The following PRDM16 variants were observed in gnomAD, a reference collection of about 807,000 sequenced individuals.
PRDM16 encodes the protein PR/SET domain 16.
Under a neutral mutation model 110.6 loss-of-function variants are expected in PRDM16, and 23 were observed. The observed-to-expected ratio is 0.21, with a 90% CI of 0.15 to 0.29. The LOEUF (loss-of-function observed/expected upper bound fraction) is 0.29. PRDM16 is among the 10% of genes least tolerant of loss of function. The pLI, the probability that PRDM16 is intolerant of heterozygous loss-of-function variation, is 1.00. For synonymous variants in PRDM16, 799 were observed against 781.8 expected (o/e 1.02, Z -0.37); for missense variants, 1,615 against 1,794.3 (o/e 0.90, Z 1.81).
intron 1 of PRDM16, among the ~76,000 whole-genome samples, chr1:3,101,857 C>T (rs974862550): frequency 6.6e-5 from 10 of 152,224 alleles, no homozygotes. Flanking sequence ...CCGTTCTTGT[C>T]TCCCCCACCC....
chr1:3,281,953 TGTGGAGGG>T (rs777597071), intron 3 of PRDM16, among the ~76,000 whole-genome samples: 20 of 152,074 alleles, frequency 1.3e-4, no homozygotes, highest in Non-Finnish European at 2.5e-4. Flanking sequence ...CAGCCCTGGA[TGTGGAGGG>T]GTGTTCTAGA....
At chr1:3,305,440 C>T (rs1641291650) in intron 3 of PRDM16, among the ~76,000 whole-genome samples, 1 of 152,162 alleles carries the variant, frequency 6.6e-6, no homozygotes, top group Non-Finnish European at 1.5e-5. Flanking sequence ...CACCTAGGGC[C>T]CGATCCATGG....
At chr1:3,184,792 C>T (rs1476744949) in intron 1 of PRDM16, among the ~76,000 whole-genome samples, 2 of 152,200 alleles carry the variant, frequency 1.3e-5, no homozygotes, top group Middle Eastern at 3.2e-3. Context: ...GTCTAAATGC[C>T]GCCAAGCAGG....
intron 1 of PRDM16, among the ~76,000 whole-genome samples, chr1:3,160,931 G>A (rs985779016): frequency 2.6e-5 from 4 of 152,196 alleles, no homozygotes; most frequent in African/African-American, 9.7e-5. Flanking sequence ...GGATGCAGCC[G>A]GTGGCTTTCG....
At chr1:3,156,407 C>T (rs1643859750) in intron 1 of PRDM16, among the ~76,000 whole-genome samples, 1 of 152,138 alleles carries the variant, frequency 6.6e-6, no homozygotes, top group African/African-American at 2.4e-5. Flanking sequence ...GTAAAAGTAG[C>T]CATTGCTTCT....
intron 2 of PRDM16, among the ~76,000 whole-genome samples, chr1:3,189,070 C>T (rs577580472): frequency 3.9e-5 from 6 of 152,314 alleles, no homozygotes; most frequent in East Asian, 1.9e-4. Flanking sequence ...AAGTGACTTG[C>T]GGGTGACTCC....
intron 5 of PRDM16, among the ~76,000 whole-genome samples, chr1:3,402,034 C>G (rs1643481130): frequency 1.3e-5 from 2 of 152,286 alleles, no homozygotes; most frequent in African/African-American, 4.8e-5. Flanking sequence ...TGCAGATATG[C>G]TGAGATATTC....
chr1:3,163,812 G>A (rs114305794), intron 1 of PRDM16, among the ~76,000 whole-genome samples: 10 of 152,232 alleles, frequency 6.6e-5, no homozygotes, highest in South Asian at 4.1e-4. Flanking sequence ...ATCAGGACAC[G>A]GTCATTTGGA....
At chr1:3,158,737 C>T (rs914283152) in intron 1 of PRDM16, among the ~76,000 whole-genome samples, 15 of 143,666 alleles carry the variant, frequency 1.0e-4, no homozygotes, top group Non-Finnish European at 1.5e-4. Flanking sequence ...TCTTCCCTTT[C>T]TTCCCTTTTT....
At chr1:3,412,999 A>T (rs938407786) in intron 9 of PRDM16, among the ~76,000 whole-genome samples, 199 bp downstream of exon 9, 1 of 151,988 alleles carries the variant, frequency 6.6e-6, no homozygotes, top group Non-Finnish European at 1.5e-5. Context: ...CTCCTAAGCT[A>T]GGTGCCTGGC....
chr1:3,190,415 C>G lies in PRDM16; in HGVS notation c.387+3941C>G, dbSNP rs565164925. On this transcript the variant is annotated intron_variant, in intron 2 of 16. Coordinates refer to ENST00000270722, the MANE Select transcript of PRDM16 (RefSeq NM_022114.4). This position sits in a 1 kb window ranked among gnomAD's most constrained non-coding sequence, Gnocchi z 5.0. ...TGCATTCCTTCTACGCTGAGGCTGA[C>G]GCTTTTGGGAGGGCCGCCCCCTCCT... Among the ~76,000 whole-genome samples the G allele has an allele frequency of 2.0e-5, 3 of 152,264 alleles. No homozygotes were observed. The East Asian group carries it at 5.8e-4, about 29-fold the overall frequency.
At chr1:3,254,489 A>T (rs1221177384) in intron 3 of PRDM16, among the ~76,000 whole-genome samples, 1 of 152,182 alleles carries the variant, frequency 6.6e-6, no homozygotes, top group Non-Finnish European at 1.5e-5. Flanking sequence ...AATGTACAAA[A>T]ATCACAAGCA....
chr1:3,146,592 TGC>T (rs1643661508), intron 1 of PRDM16, among the ~76,000 whole-genome samples: 1 of 143,518 alleles, frequency 7.0e-6, no homozygotes, highest in African/African-American at 2.7e-5. Context: ...GGCATATGTG[TGC>T]ACGTGTGTGC....
chr1:3,159,648 G>A (rs1274009012), intron 1 of PRDM16, among the ~76,000 whole-genome samples: 1 of 152,218 alleles, frequency 6.6e-6, no homozygotes, highest in Non-Finnish European at 1.5e-5. Context: ...GACACAGTCA[G>A]CCCACACGGG....
At chr1:3,174,954 G>A (rs528915341) in intron 1 of PRDM16, among the ~76,000 whole-genome samples, 1 of 152,286 alleles carries the variant, frequency 6.6e-6, no homozygotes, top group African/African-American at 2.4e-5. Flanking sequence ...GTTAATAGCG[G>A]CCGCTTGGTT....
intron 3 of PRDM16, among the ~76,000 whole-genome samples, chr1:3,283,942 G>A (rs998540181): frequency 1.1e-4 from 16 of 152,236 alleles, no homozygotes; most frequent in African/African-American, 3.1e-4. Flanking sequence ...GGACCGGTGC[G>A]CGGTGTGTCC....
At chr1:3,385,316 G>A in intron 4 of PRDM16, 30 bp downstream of exon 4, 1 of 1,611,166 alleles carries the variant, frequency 6.2e-7, no homozygotes, top group Non-Finnish European at 8.5e-7. Context: ...AGGGGCTTCT[G>A]CCTCTTGGAA....
intron 3 of PRDM16, among the ~76,000 whole-genome samples, chr1:3,304,553 C>T (rs916445111): frequency 6.6e-6 from 1 of 152,196 alleles, no homozygotes; most frequent in Admixed American, 6.5e-5. Flanking sequence ...GAGCACATTG[C>T]GTTGTTGGTG....
intron 6 of PRDM16, among the ~76,000 whole-genome samples, chr1:3,404,472 C>T (rs913747166): frequency 6.6e-6 from 1 of 152,224 alleles, no homozygotes; most frequent in African/African-American, 2.4e-5. Context: ...GGCACTGCCT[C>T]CAGCCGCCCT....
Sources: gnomAD v4.1 joint callset for allele counts (sites outside exome capture counted in the v4.1 genomes callset) on GRCh38, gnomAD v4.1.1 for gene constraint, Gnocchi (gnomAD v3.1) non-coding constraint, MANE v1.5 for transcripts, NCBI Gene and HGNC (gene_info 2026-07-23, HGNC 2026-07-21) for gene names.